The following ZNF385D variants were observed in gnomAD, a reference collection of about 807,000 sequenced individuals.
ZNF385D encodes the protein zinc finger protein 659.
Under a neutral mutation model 35.8 loss-of-function variants are expected in ZNF385D, and 15 were observed. That is an observed-to-expected ratio of 0.42 (90% CI 0.28 to 0.64). The LOEUF is 0.64. Among genes scored for constraint, ZNF385D ranks in the 30% least tolerant of loss-of-function variants. The pLI is 0.23. For missense variants in ZNF385D, 474 were observed against 494.6 expected, an observed-to-expected ratio of 0.96 and a Z score of 0.39; for synonymous variants, 212 against 186.8, an observed-to-expected ratio of 1.13 and a Z score of -1.10.
At chr3:22,346,478 T>C (rs73041314) in intron 2 of ZNF385D, among the ~76,000 whole-genome samples, 4,603 of 152,308 alleles carry the variant, frequency 0.03, 86 homozygotes, top group South Asian at 0.076. Context: ...TTATATTCAC[T>C]ATTTCATTTT....
At chr3:22,050,637 T>A (rs930699163) in intron 3 of ZNF385D, among the ~76,000 whole-genome samples, 1 of 152,210 alleles carries the variant, frequency 6.6e-6, no homozygotes, top group African/African-American at 2.4e-5. Flanking sequence ...TTTGATGAAA[T>A]CATTGAATTG....
At chr3:21,915,078 AAG>A (rs1491528113) in intron 3 of ZNF385D, among the ~76,000 whole-genome samples, 1 of 151,204 alleles carries the variant, frequency 6.6e-6, no homozygotes, top group Non-Finnish European at 1.5e-5. Context: ...AGAAAAAAAA[AAG>A]AGTTGGATTT....
chr3:21,788,904 G>A (rs1030539439), intron 3 of ZNF385D, among the ~76,000 whole-genome samples: 21 of 152,202 alleles, frequency 1.4e-4, no homozygotes, highest in Admixed American at 3.3e-4. Flanking sequence ...AAAGCCTTGA[G>A]ACCTGCTGGT....
intron 2 of ZNF385D, among the ~76,000 whole-genome samples, chr3:22,250,662 G>C (rs910398808): frequency 2.0e-5 from 3 of 151,990 alleles, no homozygotes; most frequent in African/African-American, 4.8e-5. Context: ...CAAAGCACAG[G>C]GTCCTTCAAG....
chr3:22,186,070 C>T (rs959594371), intron 2 of ZNF385D, among the ~76,000 whole-genome samples: 4 of 152,102 alleles, frequency 2.6e-5, no homozygotes, highest in Non-Finnish European at 5.9e-5. Context: ...CACTCACACA[C>T]TCTTAAATAA....
intron 3 of ZNF385D, among the ~76,000 whole-genome samples, chr3:22,050,319 G>A (rs1359400840): frequency 6.6e-6 from 1 of 151,980 alleles, no homozygotes; most frequent in Non-Finnish European, 1.5e-5. Context: ...GCATGATTGT[G>A]CCATTGCACT....
chr3:21,449,592 C>CT (rs1702344093), intron 4 of ZNF385D, among the ~76,000 whole-genome samples: 1 of 152,128 alleles, frequency 6.6e-6, no homozygotes, highest in African/African-American at 2.4e-5. Flanking sequence ...AATTTAAAAG[C>CT]TAGCACTGTG....
At chr3:21,755,711 A>C (rs898097400), upstream of ZNF385D, among the ~76,000 whole-genome samples, 10 of 152,214 alleles carry the variant, frequency 6.6e-5, no homozygotes, top group African/African-American at 2.4e-4. Flanking sequence ...TTTCTTTTTT[A>C]ACTCCATGAC....
At chr3:21,834,166 C>A (rs571755264) in intron 3 of ZNF385D, among the ~76,000 whole-genome samples, 3 of 152,276 alleles carry the variant, frequency 2.0e-5, no homozygotes, top group South Asian at 2.1e-4. Flanking sequence ...GAAGTAGACA[C>A]TGATGTTTGC....
intron 2 of ZNF385D, among the ~76,000 whole-genome samples, chr3:22,194,338 T>G (rs1696262682): frequency 6.6e-6 from 1 of 151,886 alleles, no homozygotes; most frequent in African/African-American, 2.4e-5. Context: ...TTGTTGTTGT[T>G]GTTTTGGGTT....
At chr3:21,977,703 G>A (rs1276703843) in intron 3 of ZNF385D, among the ~76,000 whole-genome samples, 1 of 151,948 alleles carries the variant, frequency 6.6e-6, no homozygotes, top group Non-Finnish European at 1.5e-5. Flanking sequence ...CTGGCATGGT[G>A]GGGCTGTCTA....
intron 2 of ZNF385D, among the ~76,000 whole-genome samples, chr3:22,296,485 TAAAAG>T (rs753470307): frequency 2.6e-5 from 4 of 151,920 alleles, no homozygotes; most frequent in Non-Finnish European, 5.9e-5. Flanking sequence ...CTATGAAAGA[TAAAAG>T]AGAAGGGAAG....
At chr3:21,988,441 G>T (rs1412432644) in intron 3 of ZNF385D, among the ~76,000 whole-genome samples, 1 of 134,610 alleles carries the variant, frequency 7.4e-6, no homozygotes, top group African/African-American at 2.6e-5. Flanking sequence ...TGAGGTGTCA[G>T]TGTGCCCCTG....
At chr3:21,934,072 TTC>T (rs1215069181) in intron 3 of ZNF385D, among the ~76,000 whole-genome samples, 1 of 152,134 alleles carries the variant, frequency 6.6e-6, no homozygotes, top group Non-Finnish European at 1.5e-5. Flanking sequence ...AAAGAAATCA[TTC>T]TTTCAGTGTA....
chr3:21,522,529 G>A (rs533344914), intron 3 of ZNF385D, among the ~76,000 whole-genome samples: 51 of 152,016 alleles, frequency 3.4e-4, no homozygotes, highest in Non-Finnish European at 6.2e-4. Context: ...TAGTAGAGAC[G>A]GGGTTTCACT....
In ZNF385D at chr3:22,241,013, G is replaced by A. The variant is rs1384055734; in HGVS notation, c.107-71978C>T. ...TTCCACAATCCCATGCACAGTTTAA[G>A]TGTTATGTGAATGTTCATTCAATTG... On this transcript the variant is annotated intron_variant, in intron 2 of 5. Coordinates refer to the ZNF385D transcript ENST00000494108. Among the ~76,000 whole-genome samples the A allele has an allele frequency of 2.0e-5, 3 of 151,160 alleles. 1 individual carries two copies. The highest frequency in any genetic ancestry group is 7.3e-5 in the African/African-American group (3 of 40,896).
chr3:21,675,844 AT>A (rs1304135199), intron 1 of ZNF385D, among the ~76,000 whole-genome samples: 9 of 152,146 alleles, frequency 5.9e-5, no homozygotes, highest in Admixed American at 5.9e-4. Context: ...GTATCAACTC[AT>A]TATTTATTCA....
intron 1 of ZNF385D, among the ~76,000 whole-genome samples, chr3:21,700,337 A>G (rs1559531187): frequency 1.3e-5 from 2 of 152,330 alleles, no homozygotes; most frequent in South Asian, 4.1e-4. Flanking sequence ...TCAGAAATAA[A>G]TGAAATAATT....
chr3:22,326,208 C>A (rs1006793277), intron 2 of ZNF385D, among the ~76,000 whole-genome samples: 11 of 152,190 alleles, frequency 7.2e-5, no homozygotes, highest in Admixed American at 2.6e-4. Context: ...AATTACTATA[C>A]CCCTGTCTCA....
Sources: allele counts gnomAD v4.1 joint callset (sites outside exome capture counted in the v4.1 genomes callset), GRCh38; gene constraint gnomAD v4.1.1; transcripts MANE v1.5; gene names NCBI Gene and HGNC (gene_info 2026-07-23, HGNC 2026-07-21).